Variants in ATP2B1 observed in about 807,000 individuals in gnomAD.
ATP2B1 encodes ATPase plasma membrane Ca2+ transporting 1.
Under a neutral mutation model 124.2 loss-of-function variants are expected in ATP2B1, and 14 were observed. The observed-to-expected ratio is 0.11, with a 90% CI of 0.07 to 0.18. The LOEUF (loss-of-function observed/expected upper bound fraction) is 0.18. Among genes scored for constraint, ATP2B1 ranks in the 10% least tolerant of loss-of-function variants. The probability of loss-of-function intolerance (pLI) is 1.00; values close to 1 mark genes in which losing one functional copy is unlikely to be tolerated. For synonymous variants in ATP2B1, 449 were observed against 492.4 expected (o/e 0.91, Z 1.17); for missense variants, 763 against 1,466.1 (o/e 0.52, Z 7.83).
chr12:89,689,955 T>G (rs991128591), intron 1 of ATP2B1, among the ~76,000 whole-genome samples: 1 of 152,126 alleles, frequency 6.6e-6, no homozygotes, highest in East Asian at 1.9e-4. Flanking sequence ...AAACCTAGAA[T>G]TCAACTTTTG....
chr12:89,635,862 T>C (rs1265542826), intron 3 of ATP2B1, among the ~76,000 whole-genome samples: 1 of 152,166 alleles, frequency 6.6e-6, no homozygotes, highest in East Asian at 1.9e-4. Flanking sequence ...ACAGGCTAGG[T>C]GCCAGACACT....
intron 1 of ATP2B1, among the ~76,000 whole-genome samples, chr12:89,697,226 G>GA (rs1364895608): frequency 6.6e-5 from 10 of 152,088 alleles, no homozygotes; most frequent in Non-Finnish European, 1.5e-4. Flanking sequence ...TAATTATTTG[G>GA]AAAAAATGTC....
chr12:89,683,441 C>T lies in ATP2B1; in HGVS notation c.-222+25155G>A, dbSNP rs75767287. On this transcript the variant is annotated intron_variant, in intron 1 of 20. Coordinates refer to ENST00000428670, the MANE Select transcript of ATP2B1 (RefSeq NM_001366521.1). ...CGGATATGCCCTATCAGAAATCAGG[C>T]TCCCAATTCCGTAAAGAAGCGTAAG... 3.5e-3 allele frequency among the ~76,000 whole-genome samples: 540 copies of T among 152,312 alleles called. 4 individuals are homozygous for T. The highest frequency in any genetic ancestry group is 0.013 in the African/African-American group (521 of 41,562).
chr12:89,607,610 T>A (rs1454398837), intron 15 of ATP2B1, among the ~76,000 whole-genome samples: 1 of 152,222 alleles, frequency 6.6e-6, no homozygotes, highest in Non-Finnish European at 1.5e-5. Context: ...CTACCATAGA[T>A]GTATTTGATT....
chr12:89,615,986 C>T (rs114949278), intron 12 of ATP2B1, among the ~76,000 whole-genome samples: 244 of 152,184 alleles, frequency 1.6e-3, no homozygotes, highest in African/African-American at 5.5e-3. Flanking sequence ...AAGTATATGG[C>T]ACACAGTGAG....
At chr12:89,683,517 C>T (rs115932910) in intron 1 of ATP2B1, among the ~76,000 whole-genome samples, 2,480 of 152,236 alleles carry the variant, frequency 0.016, 61 homozygotes, top group African/African-American at 0.057. Flanking sequence ...TAAACTGAGC[C>T]CAATATCAGC....
At chr12:89,624,834 A>G (rs558478305) in intron 8 of ATP2B1, among the ~76,000 whole-genome samples, 1 of 152,358 alleles carries the variant, frequency 6.6e-6, no homozygotes, top group Middle Eastern at 3.4e-3. Context: ...TAAAAAAATA[A>G]CATTATAATA....
At chr12:89,628,324 C>T (rs1357002551) in intron 6 of ATP2B1, among the ~76,000 whole-genome samples, 2 of 145,636 alleles carry the variant, frequency 1.4e-5, no homozygotes, top group African/African-American at 5.1e-5. Context: ...GTTGCTTGAA[C>T]CCGGAAGGCG....
intron 2 of ATP2B1, among the ~76,000 whole-genome samples, chr12:89,652,502 G>A (rs533619720): frequency 6.6e-5 from 10 of 152,304 alleles, no homozygotes; most frequent in African/African-American, 2.2e-4. Context: ...TGAAGAATCA[G>A]TTTAATTCTC....
chr12:89,658,997 A>G (rs192860565), intron 1 of ATP2B1, among the ~76,000 whole-genome samples: 64 of 152,164 alleles, frequency 4.2e-4, no homozygotes, highest in African/African-American at 1.5e-3. Context: ...TCCTTTTACT[A>G]TTTTCTTCTT....
chr12:89,667,446 A>G (rs1042365428), intron 1 of ATP2B1, among the ~76,000 whole-genome samples: 1 of 152,162 alleles, frequency 6.6e-6, no homozygotes, highest in Admixed American at 6.5e-5. Context: ...AACTCATACC[A>G]TATTATGGCC....
intron 19 of ATP2B1, among the ~76,000 whole-genome samples, chr12:89,600,110 A>G (rs1875498354): frequency 6.6e-6 from 1 of 152,236 alleles, no homozygotes; most frequent in Admixed American, 6.5e-5. Flanking sequence ...ACCATGGTAC[A>G]CTTAGTATGG....
At chr12:89,680,575 G>C (rs904339585) in intron 1 of ATP2B1, among the ~76,000 whole-genome samples, 1 of 152,170 alleles carries the variant, frequency 6.6e-6, no homozygotes, top group East Asian at 1.9e-4. Flanking sequence ...AAGGAGTAAG[G>C]GTCAAGAGGT....
chr12:89,671,152 TG>T (rs1887927612), intron 1 of ATP2B1, among the ~76,000 whole-genome samples: 1 of 152,160 alleles, frequency 6.6e-6, no homozygotes, highest in African/African-American at 2.4e-5. Context: ...TAAAATGGAT[TG>T]AGCAGAACAT....
At position 89,603,643 on chromosome 12, in the gene ATP2B1, T is replaced by C. The variant is rs1381054268; in HGVS notation, c.2848+69A>G. On this transcript the variant is annotated intron_variant, in intron 17 of 20. Transcript: ENST00000428670. This position sits in a 1 kb window ranked among gnomAD's most constrained non-coding sequence, Gnocchi z 4.3. ...AGGCTCTTGAAAATTTGTAACATTA[T>C]AACATCTTGGATGATTAGCTTGGAA... is the stretch of plus-strand genomic sequence containing the variant. 2.0e-6 allele frequency: 3 copies of C among 1,499,462 alleles called. No homozygotes were observed. Among genetic ancestry groups the C allele is most frequent in the African/African-American group, 2.8e-5 (2 of 72,096 alleles). 92.9% of individuals were successfully genotyped at this position (1,499,462 alleles called of 1,614,324 possible).
At chr12:89,680,740 T>A (rs1245886722) in intron 1 of ATP2B1, among the ~76,000 whole-genome samples, 5 of 152,046 alleles carry the variant, frequency 3.3e-5, no homozygotes, top group Non-Finnish European at 5.9e-5. Flanking sequence ...AAGGGTCCAC[T>A]GTATATCCGG....
At chr12:89,668,475 C>T (rs1887562940) in intron 1 of ATP2B1, among the ~76,000 whole-genome samples, 1 of 152,156 alleles carries the variant, frequency 6.6e-6, no homozygotes, top group African/African-American at 2.4e-5. Context: ...TTTTCAAAAG[C>T]TCCTGACTTC....
intron 20 of ATP2B1, chr12:89,598,602 TAGA>T: frequency 6.2e-7 from 1 of 1,613,722 alleles, no homozygotes; most frequent in Non-Finnish European, 8.5e-7. Context: ...CCCACAGTAG[TAGA>T]AGCAGTAGAA....
intron 3 of ATP2B1, among the ~76,000 whole-genome samples, chr12:89,640,046 C>T (rs1387750403): frequency 2.0e-5 from 3 of 152,120 alleles, no homozygotes; most frequent in African/African-American, 7.2e-5. Context: ...TTCAGATAAA[C>T]ACATGTATCT....
Sources: allele counts gnomAD v4.1 joint callset (sites outside exome capture counted in the v4.1 genomes callset), GRCh38; gene constraint gnomAD v4.1.1; non-coding constraint Gnocchi (gnomAD v3.1); transcripts MANE v1.5; gene names NCBI Gene and HGNC (gene_info 2026-07-23, HGNC 2026-07-21).